Variants in GALNT9 observed in about 807,000 individuals in gnomAD.
GALNT9 encodes GalNAc transferase 9.
In GALNT9, 47 loss-of-function variants were observed where a neutral mutation model predicts 63.1. The observed-to-expected ratio is 0.75, with a 90% CI of 0.59 to 0.95. The LOEUF is 0.95. Ranked by LOEUF, GALNT9 falls within the 40% of genes least tolerant of loss-of-function variation. GALNT9 has a pLI of 0.00. For synonymous variants in GALNT9, 396 were observed against 365.7 expected (o/e 1.08, Z -0.94); for missense variants, 829 against 874.8 (o/e 0.95, Z 0.66).
rs142202736 is a variant in GALNT9, at chr12:132,312,254, G to A, written c.238+16712C>T. On this transcript the variant is annotated intron_variant, in intron 1 of 10. Coordinates refer to ENST00000328957, the MANE Select transcript of GALNT9 (RefSeq NM_001122636.2). ...TTCATACATAATACTTGTGTTCAACGAATATGAATATTTATGGGGCCAAAG... is the reference window on the plus strand; with the variant it reads ...TTCATACATAATACTTGTGTTCAACAAATATGAATATTTATGGGGCCAAAG... 9.5e-4 allele frequency among the ~76,000 whole-genome samples: 145 copies of A among 152,296 alleles called. 3 individuals carry two copies. In the East Asian group the frequency reaches 0.021, roughly 22 times the overall value.
At chr12:132,303,376 C>T (rs1209836859) in intron 1 of GALNT9, among the ~76,000 whole-genome samples, 1 of 147,600 alleles carries the variant, frequency 6.8e-6, no homozygotes, top group African/African-American at 2.6e-5. Context: ...AAGCAGCACC[C>T]TCTCCGGGGC....
chr12:132,300,879 C>A (rs112055684), intron 1 of GALNT9, among the ~76,000 whole-genome samples: 1 of 152,248 alleles, frequency 6.6e-6, no homozygotes, highest in Non-Finnish European at 1.5e-5. Context: ...TAACCCACTC[C>A]CACATTAAGG....
chr12:132,285,298 G>A (rs1880544519), intron 2 of GALNT9, among the ~76,000 whole-genome samples: 1 of 152,270 alleles, frequency 6.6e-6, no homozygotes, highest in Non-Finnish European at 1.5e-5. Context: ...CCCTCCCAGG[G>A]AGCATCCTGT....
Position 132,245,168 on chromosome 12 carries a change from G to T in GALNT9, c.1077+2742C>A, listed in dbSNP as rs117118188. Among the ~76,000 whole-genome samples, 5 of 152,140 alleles carry T rather than the reference G, an allele frequency of 3.3e-5. No individual in the cohort carries two copies. The South Asian group carries it at 1.0e-3, about 31-fold the overall frequency. On this transcript the variant is annotated intron_variant, in intron 6 of 10. Transcript: ENST00000328957. This position sits in a 1 kb window ranked among gnomAD's most constrained non-coding sequence, Gnocchi z 6.3. ...AGAAAGGCCCCTATGTCAGCCAGGCGTGGTGGTTCACACCTGGAATCCCAG... is the reference window on the plus strand; with the variant it reads ...AGAAAGGCCCCTATGTCAGCCAGGCTTGGTGGTTCACACCTGGAATCCCAG...
At chr12:132,209,887 A>C (rs1278923156) in intron 6 of GALNT9, among the ~76,000 whole-genome samples, 1 of 152,130 alleles carries the variant, frequency 6.6e-6, no homozygotes, top group African/African-American at 2.4e-5. Flanking sequence ...CCTGGGGGCC[A>C]CTCTGCCTGT....
At chr12:132,205,304 T>C (rs1458869427) in intron 6 of GALNT9, 2 of 151,924 alleles carry the variant, frequency 1.3e-5, no homozygotes, top group Non-Finnish European at 2.9e-5. Context: ...CTCTCTGCCT[T>C]CAGGAAGCCG....
chr12:132,308,601 C>G (rs1555244862), intron 1 of GALNT9, among the ~76,000 whole-genome samples: 1 of 152,150 alleles, frequency 6.6e-6, no homozygotes, highest in African/African-American at 2.4e-5. Flanking sequence ...GTGGGAGGGA[C>G]CCTCGACCGC....
chr12:132,306,009 G>C (rs1249132506), intron 1 of GALNT9, among the ~76,000 whole-genome samples: 6 of 152,102 alleles, frequency 3.9e-5, no homozygotes, highest in African/African-American at 1.4e-4. Context: ...CTCAGGACAG[G>C]GGGGCTCATG....
chr12:132,323,839 C>G (rs1416091409), intron 1 of GALNT9, among the ~76,000 whole-genome samples: 2 of 152,228 alleles, frequency 1.3e-5, no homozygotes, highest in Non-Finnish European at 2.9e-5. Context: ...GTTAATGATC[C>G]GGGTGGAAAG....
At chr12:132,303,619 A>G (rs797038780) in intron 1 of GALNT9, among the ~76,000 whole-genome samples, 5 of 36,590 alleles carry the variant, frequency 1.4e-4, no homozygotes, top group Non-Finnish European at 1.1e-4. Flanking sequence ...ACACACCCTC[A>G]CCCGGGCACA....
intron 2 of GALNT9, chr12:132,272,790 A>T (rs1459863677): frequency 6.6e-6 from 1 of 152,282 alleles, no homozygotes; most frequent in Non-Finnish European, 1.5e-5. Flanking sequence ...CCCAACGCTC[A>T]GTCTAGGAAA....
At chr12:132,211,282 T>A (rs1375551332) in intron 6 of GALNT9, among the ~76,000 whole-genome samples, 1 of 152,200 alleles carries the variant, frequency 6.6e-6, no homozygotes, top group Non-Finnish European at 1.5e-5. Flanking sequence ...GAAGCACAGA[T>A]ATATTTATGC....
intron 6 of GALNT9, among the ~76,000 whole-genome samples, chr12:132,214,203 A>G (rs934394114): frequency 2.0e-5 from 3 of 152,098 alleles, no homozygotes; most frequent in Non-Finnish European, 2.9e-5. Flanking sequence ...ATGGCTGGAG[A>G]ACCACGCCTG....
intron 1 of GALNT9, among the ~76,000 whole-genome samples, chr12:132,295,486 T>A (rs1182534125): frequency 1.3e-5 from 2 of 152,184 alleles, no homozygotes; most frequent in Non-Finnish European, 2.9e-5. Flanking sequence ...GAGGAGGTAG[T>A]GCGGGAGTCG....
chr12:132,201,246 A>T lies in GALNT9; in HGVS notation c.1279T>A (p.Phe427Ile). The T allele has an allele frequency of 6.2e-7, 1 of 1,613,146 alleles. No individual in the cohort carries two copies. Among genetic ancestry groups the T allele is most frequent in the Non-Finnish European group, 8.5e-7 (1 of 1,179,318 alleles). The part of the protein sequence containing the change: ...NIPMSNPGVD[F>I]GDVSERLALR... ...GCCAGCCTCTCAGACACGTCCCCGA[A>T]GTCCACCCCTGGGTTCTGCAAGGCC... Residue 427 changes from phenylalanine (F) to isoleucine (I), a missense_variant, in exon 8 of 11, where the codon TTC (phenylalanine) becomes ATC (isoleucine). Coordinates refer to ENST00000328957, the MANE Select transcript of GALNT9 (RefSeq NM_001122636.2).
At position 132,282,127 on chromosome 12, in the gene GALNT9, TG is replaced by T. The variant is rs60999261; in HGVS notation, c.419+4122del. Among the ~76,000 whole-genome samples the T allele has an allele frequency of 3.0e-4, 37 of 124,342 alleles. No homozygotes were observed. The highest frequency in any genetic ancestry group is 1.6e-3 in the African/African-American group (34 of 20,674). The allele number at this position is 124,342 out of a possible 152,430, so 81.6% of individuals were successfully genotyped here. ...AGCTCCACTACAGCAAGGCCAGGCCTGGGGGTCCCCGATCCCACAGAGGAGG... is the reference window on the plus strand; with the variant it reads ...AGCTCCACTACAGCAAGGCCAGGCCTGGGGTCCCCGATCCCACAGAGGAGG... On this transcript the variant is annotated intron_variant, in intron 2 of 10. Coordinates refer to ENST00000328957, the MANE Select transcript of GALNT9 (RefSeq NM_001122636.2). The surrounding 1 kb of genome is among the most constrained non-coding windows in gnomAD (Gnocchi z 4.5).
chr12:132,298,670 T>C (rs1224875428), intron 1 of GALNT9, among the ~76,000 whole-genome samples: 1 of 146,406 alleles, frequency 6.8e-6, no homozygotes, highest in Non-Finnish European at 1.5e-5. Flanking sequence ...ACTAACCCAC[T>C]CCCACCACAC....
intron 2 of GALNT9, among the ~76,000 whole-genome samples, chr12:132,266,270 C>G (rs1019656193): frequency 1.3e-5 from 2 of 152,258 alleles, no homozygotes; most frequent in African/African-American, 4.8e-5. Context: ...CGAGAAAGGA[C>G]TCCCCTCGAG....
At chr12:132,250,092 T>C (rs535995866) in intron 5 of GALNT9, among the ~76,000 whole-genome samples, 2 of 152,322 alleles carry the variant, frequency 1.3e-5, no homozygotes, top group East Asian at 1.9e-4. Flanking sequence ...ATCCAGGCTG[T>C]GGACCGCAAT....
Sources: allele counts gnomAD v4.1 joint callset (sites outside exome capture counted in the v4.1 genomes callset), GRCh38; gene constraint gnomAD v4.1.1; non-coding constraint Gnocchi (gnomAD v3.1); transcripts MANE v1.5; gene names NCBI Gene and HGNC (gene_info 2026-07-23, HGNC 2026-07-21).